The following RYR2 variants were observed in gnomAD, a reference collection of about 807,000 sequenced individuals.
The protein encoded by RYR2 is cardiac muscle ryanodine receptor-calcium release channel.
A neutral mutation model predicts 601.1 loss-of-function variants in RYR2; 227 were observed. That is an observed-to-expected ratio of 0.38 (90% confidence interval 0.34 to 0.42). The LOEUF (loss-of-function observed/expected upper bound fraction) is 0.42. RYR2 is among the 10% of genes least tolerant of loss of function. The pLI, the probability that RYR2 is intolerant of heterozygous loss-of-function variation, is 1.00. For synonymous variants in RYR2, 2,223 were observed against 2,175.1 expected (o/e 1.02, Z -0.61); for missense variants, 4,646 against 6,156.5 (o/e 0.75, Z 8.21).
rs1351341448 is a variant in RYR2, at chr1:237,226,886, A to G, written c.49-43611A>G. On this transcript the variant is annotated intron_variant, in intron 1 of 104. Coordinates refer to ENST00000366574, the MANE Select transcript of RYR2 (RefSeq NM_001035.3). The stretch of plus-strand genomic sequence containing the variant: ...CGGGTTCAAGCGATTCTCCAGCCTT[A>G]GCCTCCCAAGCAGCTGGGGTTACAG... Among the ~76,000 whole-genome samples, 4 of 152,104 alleles carry G rather than the reference A, an allele frequency of 2.6e-5. No homozygotes were observed. The South Asian group carries it at 8.3e-4, about 32-fold the overall frequency.
intron 1 of RYR2, among the ~76,000 whole-genome samples, chr1:237,218,553 A>G (rs1009926879): frequency 2.0e-5 from 3 of 152,180 alleles, no homozygotes; most frequent in Non-Finnish European, 4.4e-5. Context: ...AAGGCTTTTA[A>G]TATAATTTTT....
At chr1:237,348,286 A>G (rs1484498186) in intron 3 of RYR2, among the ~76,000 whole-genome samples, 1 of 152,188 alleles carries the variant, frequency 6.6e-6, no homozygotes, top group East Asian at 1.9e-4. Context: ...TTTTTCTGTT[A>G]TTAGCCTTTG....
At chr1:237,375,494 T>C (rs1207995867) in intron 7 of RYR2, among the ~76,000 whole-genome samples, 1 of 152,164 alleles carries the variant, frequency 6.6e-6, no homozygotes, top group Non-Finnish European at 1.5e-5. Flanking sequence ...TTTTATTAAG[T>C]TGTTCCCTTC....
intron 48 of RYR2, among the ~76,000 whole-genome samples, chr1:237,647,813 G>A (rs139108759): frequency 2.6e-4 from 39 of 152,096 alleles, no homozygotes; most frequent in Non-Finnish European, 3.8e-4. Flanking sequence ...TCATATCAGC[G>A]GTCCCCAATT....
At chr1:237,791,744 C>T (rs780110836) in intron 93 of RYR2, 22 of 569,666 alleles carry the variant, frequency 3.9e-5, no homozygotes, top group Middle Eastern at 4.6e-4. Context: ...CAGAGGGCTT[C>T]CCCACAGTAT....
chr1:237,586,211 T>C (rs2148406663), intron 29 of RYR2, among the ~76,000 whole-genome samples: 1 of 152,212 alleles, frequency 6.6e-6, no homozygotes, highest in East Asian at 1.9e-4. Context: ...TCGTCAATTA[T>C]TTTTATTTGC....
chr1:237,543,623 A>G (rs1250673342), intron 25 of RYR2, among the ~76,000 whole-genome samples: 1 of 152,174 alleles, frequency 6.6e-6, no homozygotes, highest in East Asian at 1.9e-4. Context: ...TTACATATTT[A>G]CTGTACATCT....
intron 1 of RYR2, among the ~76,000 whole-genome samples, chr1:237,138,101 G>C (rs1043243822): frequency 6.6e-6 from 1 of 151,972 alleles, no homozygotes; most frequent in Non-Finnish European, 1.5e-5. Flanking sequence ...GCACAATCTC[G>C]GCTTACTGTA....
intron 80 of RYR2, among the ~76,000 whole-genome samples, chr1:237,755,952 C>T (rs1455977365): frequency 6.6e-6 from 1 of 151,824 alleles, no homozygotes; most frequent in Non-Finnish European, 1.5e-5. Flanking sequence ...AACTTATGCA[C>T]AAATGTATAA....
intron 24 of RYR2, among the ~76,000 whole-genome samples, chr1:237,528,498 A>C (rs1391660241): frequency 2.0e-5 from 3 of 152,290 alleles, no homozygotes; most frequent in African/African-American, 7.2e-5. Flanking sequence ...TAACTCAATA[A>C]ATATTTATGG....
intron 87 of RYR2, 36 bp downstream of exon 87, chr1:237,773,684 G>T: frequency 6.3e-7 from 1 of 1,577,316 alleles, no homozygotes; most frequent in South Asian, 1.1e-5. Flanking sequence ...CTGTAGCACT[G>T]AACTCCATAG....
intron 19 of RYR2, among the ~76,000 whole-genome samples, chr1:237,496,233 A>G (rs538843042): frequency 6.6e-6 from 1 of 152,232 alleles, no homozygotes; most frequent in South Asian, 2.1e-4. Context: ...GCAAGATCTC[A>G]TCTCTACTAA....
chr1:237,299,739 AG>A (rs937408428), intron 2 of RYR2, among the ~76,000 whole-genome samples: 1 of 152,172 alleles, frequency 6.6e-6, no homozygotes, highest in Non-Finnish European at 1.5e-5. Flanking sequence ...AGGGGCTTTT[AG>A]GAGAATATGT....
Position 237,699,004 on chromosome 1 carries a change from TG to T in RYR2, c.9110del (p.Gly3037ValfsTer9). ...ATSIVNCLHI[L>X]GQTLDARTVM... Reference sequence around the variant, plus strand: ...TCAATTGTCAACTGTCTTCATATTTTGGGTCAGACTTTGGATGCAAGGTAAA... The same window carrying T: ...TCAATTGTCAACTGTCTTCATATTTTGGTCAGACTTTGGATGCAAGGTAAA... On this transcript the variant is annotated frameshift_variant, in exon 64 of 105. Transcript: ENST00000366574. LOFTEE classifies it high-confidence loss of function. The T allele has an allele frequency of 6.4e-7, 1 of 1,551,136 alleles. No individual in the cohort carries two copies. The highest frequency in any genetic ancestry group is 8.8e-7 in the Non-Finnish European group (1 of 1,141,326).
chr1:237,743,239 G>A (rs979243550), intron 80 of RYR2, among the ~76,000 whole-genome samples: 5 of 152,132 alleles, frequency 3.3e-5, no homozygotes, highest in African/African-American at 1.2e-4. Flanking sequence ...AAACGTATTA[G>A]CCAATGAATA....
intron 2 of RYR2, among the ~76,000 whole-genome samples, chr1:237,318,823 C>A (rs1456658418): frequency 6.6e-6 from 1 of 152,042 alleles, no homozygotes; most frequent in Non-Finnish European, 1.5e-5. Context: ...GTTTATTGTG[C>A]TACTTAGATG....
chr1:237,408,225 A>G (rs192275943), intron 10 of RYR2, among the ~76,000 whole-genome samples: 1 of 152,038 alleles, frequency 6.6e-6, no homozygotes, highest in Admixed American at 6.5e-5. Flanking sequence ...ATTTTGACCT[A>G]AATTTAGTGG....
intron 2 of RYR2, among the ~76,000 whole-genome samples, chr1:237,320,249 T>C (rs1695503162): frequency 6.6e-6 from 1 of 152,220 alleles, no homozygotes; most frequent in South Asian, 2.1e-4. Context: ...ATATAATTTA[T>C]TTAAAAAATG....
chr1:237,770,788 C>A lies in RYR2; in HGVS notation c.11477-19C>A. ...GCTGGGGTGGCTGGTAATGTTTGATCCCTCTGGATTTCCCACAGGAGAAAA... is the reference window on the plus strand; with the variant it reads ...GCTGGGGTGGCTGGTAATGTTTGATACCTCTGGATTTCCCACAGGAGAAAA... On this transcript the variant is annotated intron_variant, in intron 84 of 104. Coordinates refer to ENST00000366574, the MANE Select transcript of RYR2 (RefSeq NM_001035.3). 6.6e-7 allele frequency: 1 copy of A among 1,516,452 alleles called. No homozygotes were observed. Among genetic ancestry groups the A allele is most frequent in the East Asian group, 2.5e-5 (1 of 40,792 alleles). The allele number at this position is 1,516,452 out of a possible 1,614,324, so 93.9% of individuals were successfully genotyped here.
Sources: allele counts gnomAD v4.1 joint callset (sites outside exome capture counted in the v4.1 genomes callset), GRCh38; gene constraint gnomAD v4.1.1; transcripts MANE v1.5; gene names NCBI Gene and HGNC (gene_info 2026-07-23, HGNC 2026-07-21).